DACH2: variants seen among roughly 807,000 people sequenced by gnomAD.
The protein encoded by DACH2 is dachshund homolog 2.
Under a neutral mutation model 35.8 loss-of-function variants are expected in DACH2, and 17 were observed. The observed-to-expected ratio is 0.48, with a 90% CI of 0.33 to 0.71. The LOEUF (loss-of-function observed/expected upper bound fraction) is 0.71, where lower values mean the gene tolerates loss of function less well. Among genes scored for constraint, DACH2 ranks in the 30% least tolerant of loss-of-function variants. DACH2 has a pLI of 0.02. For missense variants in DACH2, 469 were observed against 472.7 expected (o/e 0.99, Z 0.07); for synonymous variants, 195 against 177.3 (o/e 1.10, Z -0.79).
intron 1 of DACH2, among the ~76,000 whole-genome samples, chrX:86,318,150 C>CA (rs2034948832): frequency 8.9e-6 from 1 of 112,097 alleles, no homozygotes; most frequent in Admixed American, 9.5e-5. Context: ...AAATATGTTT[C>CA]AAACCTTGTT....
At chrX:86,523,002 A>G (rs2038579685) in intron 3 of DACH2, among the ~76,000 whole-genome samples, 1 of 111,985 alleles carries the variant, frequency 8.9e-6, no homozygotes, top group Admixed American at 9.5e-5. Flanking sequence ...ATTTGGCCTG[A>G]GAAAGATTTA....
chrX:86,717,164 G>T (rs2148462083), intron 6 of DACH2, among the ~76,000 whole-genome samples: 1 of 111,607 alleles, frequency 9.0e-6, no homozygotes, highest in African/African-American at 3.2e-5. Context: ...TGGAAAAAGG[G>T]CTTTTTGGGT....
intron 3 of DACH2, among the ~76,000 whole-genome samples, chrX:86,566,648 G>A (rs188029893): frequency 1.2e-3 from 129 of 111,096 alleles, no homozygotes; most frequent in African/African-American, 4.0e-3. Flanking sequence ...CCCATACTAC[G>A]TGGTTACCTT....
At chrX:86,554,519 T>A (rs948803541) in intron 3 of DACH2, among the ~76,000 whole-genome samples, 4 of 111,951 alleles carry the variant, frequency 3.6e-5, no homozygotes, top group Non-Finnish European at 7.5e-5. Flanking sequence ...TCATGTCATA[T>A]ATTATTCTAA....
intron 1 of DACH2, among the ~76,000 whole-genome samples, chrX:86,187,647 A>G (rs1248965021): frequency 9.0e-6 from 1 of 111,167 alleles, no homozygotes; most frequent in East Asian, 2.8e-4. Context: ...GCTGGTCTCA[A>G]ATTCCTGGCC....
Position 86,589,351 on chromosome X carries a change from T to C in DACH2, c.641-61685T>C, listed in dbSNP as rs969787655. ...TTAGAGTTAGTTTTTTTCTAGCGAA[T>C]GGAAAATATTACCTCACTCTATTTT... On this transcript the variant is annotated intron_variant, in intron 3 of 11. Transcript: ENST00000373125. Among the ~76,000 whole-genome samples, 6 of 111,169 alleles carry C rather than the reference T, an allele frequency of 5.4e-5. No individual in the cohort carries two copies. In the Admixed American group the frequency reaches 5.8e-4, roughly 11 times the overall value.
intron 6 of DACH2, among the ~76,000 whole-genome samples, chrX:86,727,481 A>G (rs1207268850): frequency 6.3e-5 from 7 of 111,002 alleles, no homozygotes; most frequent in Non-Finnish European, 1.3e-4. Flanking sequence ...ACATTTTGAT[A>G]TAGTTTGGAT....
At chrX:86,565,506 G>C (rs1246228734) in intron 3 of DACH2, among the ~76,000 whole-genome samples, 5 of 111,322 alleles carry the variant, frequency 4.5e-5, no homozygotes, top group East Asian at 2.9e-4. Flanking sequence ...AAGCCCTCTG[G>C]GTGATTCTAA....
In DACH2 at chrX:86,204,676, A is replaced by T. The variant is rs1395336776; in HGVS notation, c.488+55568A>T. ...ATGAAATTATCTGAAAGATGTTTGC[A>T]CCTTGGTAAGGTTTAATTTTTACTA... On this transcript the variant is annotated intron_variant, in intron 1 of 11. Coordinates refer to ENST00000373125, the MANE Select transcript of DACH2 (RefSeq NM_053281.3). 3.6e-5 allele frequency among the ~76,000 whole-genome samples: 4 copies of T among 112,054 alleles called. No homozygotes were observed. The East Asian group carries it at 1.1e-3, about 31-fold the overall frequency.
chrX:86,470,022 G>A (rs1282175855), intron 2 of DACH2, among the ~76,000 whole-genome samples: 2 of 98,783 alleles, frequency 2.0e-5, no homozygotes, highest in Non-Finnish European at 3.8e-5. Context: ...CCTGACAGAT[G>A]CTCTCAGTTA....
chrX:86,467,476 A>T (rs1184297413), intron 2 of DACH2, among the ~76,000 whole-genome samples: 2 of 111,531 alleles, frequency 1.8e-5, no homozygotes, highest in Non-Finnish European at 3.8e-5. Context: ...ACTTTTCCCC[A>T]TCTTCCTGTT....
At chrX:86,189,891 C>T (rs1237040949) in intron 1 of DACH2, among the ~76,000 whole-genome samples, 3 of 110,447 alleles carry the variant, frequency 2.7e-5, no homozygotes, top group South Asian at 7.7e-4. Context: ...TGGCTGGGCA[C>T]GGTGGCTCAA....
At chrX:86,721,115 G>C (rs779496880) in intron 6 of DACH2, among the ~76,000 whole-genome samples, 8 of 112,279 alleles carry the variant, frequency 7.1e-5, no homozygotes, top group Non-Finnish European at 1.3e-4. Flanking sequence ...CCCCCTCCTA[G>C]GCATCCAAAC....
intron 1 of DACH2, among the ~76,000 whole-genome samples, chrX:86,153,930 T>G (rs2067153464): frequency 9.0e-6 from 1 of 111,599 alleles, no homozygotes; most frequent in African/African-American, 3.2e-5. Context: ...ATGCAGTATA[T>G]CTTTGGATTT....
intron 2 of DACH2, among the ~76,000 whole-genome samples, chrX:86,429,539 C>CTTTTCTTTT (rs1480879445): frequency 3.0e-5 from 3 of 101,623 alleles, no homozygotes; most frequent in African/African-American, 1.2e-4. Flanking sequence ...GAGTGCATTT[C>CTTTTCTTTT]TTTTCTTTTC....
intron 1 of DACH2, among the ~76,000 whole-genome samples, chrX:86,363,486 CATG>C (rs1281512637): frequency 9.0e-6 from 1 of 111,078 alleles, no homozygotes; most frequent in Non-Finnish European, 1.9e-5. Flanking sequence ...CATATGACAA[CATG>C]ATAAGTTTCA....
At chrX:86,399,385 A>C (rs1205682859) in intron 2 of DACH2, among the ~76,000 whole-genome samples, 1 of 111,580 alleles carries the variant, frequency 9.0e-6, no homozygotes, top group East Asian at 2.8e-4. Context: ...ATTTACATTT[A>C]AGGTTAGTAC....
intron 7 of DACH2, among the ~76,000 whole-genome samples, chrX:86,797,992 C>T (rs886623990): frequency 5.3e-5 from 6 of 112,220 alleles, no homozygotes; most frequent in Admixed American, 3.8e-4. Flanking sequence ...ATGGCAAGCC[C>T]TCCACTGCCA....
intron 1 of DACH2, among the ~76,000 whole-genome samples, chrX:86,312,247 T>C (rs978167116): frequency 8.9e-6 from 1 of 112,405 alleles, no homozygotes; most frequent in African/African-American, 3.2e-5. Context: ...TCCTTTATCA[T>C]GTAACATAAG....
Sources: gnomAD v4.1 joint callset for allele counts (sites outside exome capture counted in the v4.1 genomes callset) on GRCh38, gnomAD v4.1.1 for gene constraint, MANE v1.5 for transcripts, NCBI Gene and HGNC (gene_info 2026-07-23, HGNC 2026-07-21) for gene names.